GTF2IRD1: variants seen among roughly 807,000 people sequenced by gnomAD.
GTF2IRD1 encodes the protein general transcription factor II-I repeat domain-containing protein 1.
Under a neutral mutation model 113.2 loss-of-function variants are expected in GTF2IRD1, and 26 were observed. That is an observed-to-expected ratio of 0.23 (90% CI 0.17 to 0.32). The LOEUF is 0.32. Ranked by LOEUF, GTF2IRD1 falls within the 10% of genes least tolerant of loss-of-function variation. The pLI is 1.00. For synonymous variants in GTF2IRD1, 484 were observed against 529.1 expected, an observed-to-expected ratio of 0.91 and a Z score of 1.17; for missense variants, 864 against 1,280.8, an observed-to-expected ratio of 0.67 and a Z score of 4.97.
chr7:74,518,054 T>C (rs2130238412), intron 4 of GTF2IRD1, 85 bp from the exon 5 acceptor site: 1 of 970,180 alleles, frequency 1.0e-6, no homozygotes, highest in Non-Finnish European at 1.5e-6. Context: ...CACTCAGCAC[T>C]GCCCCCACTC....
At chr7:74,476,938 C>T (rs932762212) in intron 1 of GTF2IRD1, among the ~76,000 whole-genome samples, 5 of 152,158 alleles carry the variant, frequency 3.3e-5, no homozygotes, top group Non-Finnish European at 7.3e-5. Flanking sequence ...ACTTAGTCAG[C>T]GTCCCACAGC....
At chr7:74,545,136 T>C (rs1363058892) in intron 15 of GTF2IRD1, among the ~76,000 whole-genome samples, 2 of 152,128 alleles carry the variant, frequency 1.3e-5, no homozygotes, top group East Asian at 3.9e-4. Flanking sequence ...GCAAGTAGAT[T>C]AGAGGCCTGA....
chr7:74,466,933 T>G (rs149308032), intron 1 of GTF2IRD1, among the ~76,000 whole-genome samples: 8 of 150,340 alleles, frequency 5.3e-5, no homozygotes, highest in African/African-American at 1.7e-4. Flanking sequence ...GGTGGGGGCC[T>G]CCTCCACCCT....
At chr7:74,467,663 G>A (rs1218895046) in intron 1 of GTF2IRD1, among the ~76,000 whole-genome samples, 1 of 151,760 alleles carries the variant, frequency 6.6e-6, no homozygotes, top group African/African-American at 2.4e-5. Context: ...ACCACACCTA[G>A]CTAATTTTTG....
intron 1 of GTF2IRD1, among the ~76,000 whole-genome samples, chr7:74,483,285 A>T (rs1211332335): frequency 6.6e-6 from 1 of 152,146 alleles, no homozygotes; most frequent in Non-Finnish European, 1.5e-5. Flanking sequence ...TCATTCCTGT[A>T]ATCCCAGCAC....
intron 22 of GTF2IRD1, among the ~76,000 whole-genome samples, chr7:74,586,372 C>T (rs1801719351): frequency 6.6e-6 from 1 of 152,040 alleles, no homozygotes; most frequent in Non-Finnish European, 1.5e-5. Flanking sequence ...GGATGTGGAG[C>T]GTGGGGTCTT....
At chr7:74,482,443 G>T (rs1794798093) in intron 1 of GTF2IRD1, among the ~76,000 whole-genome samples, 1 of 151,924 alleles carries the variant, frequency 6.6e-6, no homozygotes, top group Non-Finnish European at 1.5e-5. Context: ...GTCCAGGCTG[G>T]TCTCAAATTT....
chr7:74,462,227 G>T (rs557289799), intron 1 of GTF2IRD1, among the ~76,000 whole-genome samples: 1 of 152,032 alleles, frequency 6.6e-6, no homozygotes. Context: ...AAATTAGCCG[G>T]GTGTGGTGAT....
chr7:74,602,411 T>C lies in GTF2IRD1; in HGVS notation c.2813T>C (p.Leu938Pro). 1 of 1,613,722 alleles carries C rather than the reference T, an allele frequency of 6.2e-7. No homozygotes were observed. ...GACTATGCCGGCCTGAACGTGCAGC[T>C]CCCGGGACCTCTTAATTACTAGACC... ...MVDYAGLNVQ[L>P]PGPLNY The change falls in exon 27 of 27, where the codon CTC becomes CCC. Residue 938 changes from leucine to proline, a missense_variant. Physicochemically the swap from Leu to Pro is moderately conservative, Grantham distance 98 (BLOSUM62 -3). Coordinates refer to ENST00000424337, the MANE Select transcript of GTF2IRD1 (RefSeq NM_005685.4).
intron 22 of GTF2IRD1, among the ~76,000 whole-genome samples, chr7:74,566,072 GA>G (rs1357296338): frequency 1.3e-5 from 2 of 151,488 alleles, no homozygotes; most frequent in African/African-American, 4.9e-5. Context: ...GCCCATGGTA[GA>G]AATTTGGAAA....
In GTF2IRD1 at chr7:74,535,147, G is replaced by C. The variant is rs201795705; in HGVS notation, c.1300+9G>C. On this transcript the variant is annotated intron_variant, in intron 10 of 26. Transcript: ENST00000424337. The stretch of plus-strand genomic sequence containing the variant: ...TGAGCGAATTTTCACAGGTATGTGG[G>C]GACCATCTAGTCCATTCTGAAGTTT... The C allele has an allele frequency of 3.0e-4, 485 of 1,608,718 alleles. No individual in the cohort carries two copies. Among genetic ancestry groups the C allele is most frequent in the Non-Finnish European group, 3.8e-4 (450 of 1,175,376 alleles).
At position 74,500,423 on chromosome 7, in the gene GTF2IRD1, TA is replaced by T. The variant is rs74272932; in HGVS notation, c.-6-7637del. Among the ~76,000 whole-genome samples the T allele has an allele frequency of 9.7e-3, 1,321 of 136,424 alleles. 4 individuals are homozygous for T. Among genetic ancestry groups the T allele is most frequent in the African/African-American group, 0.017 (621 of 37,196 alleles). 89.5% of individuals were successfully genotyped at this position (136,424 alleles called of 152,430 possible). Reference sequence around the variant, plus strand: ...CATAGTGAGACCCTATCTGTTTTGTTAAAAAAAAAAAAAAAGAAAAAAAATT... The same window carrying T: ...CATAGTGAGACCCTATCTGTTTTGTTAAAAAAAAAAAAAAGAAAAAAAATT... On this transcript the variant is annotated intron_variant, in intron 1 of 26. Transcript: ENST00000424337.
At chr7:74,516,711 T>C (rs1364545830) in intron 4 of GTF2IRD1, among the ~76,000 whole-genome samples, 10 of 152,200 alleles carry the variant, frequency 6.6e-5, no homozygotes, top group Non-Finnish European at 1.3e-4. Flanking sequence ...GATGGGGGAC[T>C]TGCCACGCAT....
At chr7:74,526,638 A>G (rs992459367) in intron 8 of GTF2IRD1, among the ~76,000 whole-genome samples, 1 of 152,190 alleles carries the variant, frequency 6.6e-6, no homozygotes, top group Non-Finnish European at 1.5e-5. Flanking sequence ...CCAAGGGGCA[A>G]CAGCAGGGTT....
At chr7:74,591,062 A>C in intron 24 of GTF2IRD1, 45 bp downstream of exon 24, 1 of 1,428,930 alleles carries the variant, frequency 7.0e-7, no homozygotes, top group South Asian at 1.2e-5. Flanking sequence ...GGGCGAGGCC[A>C]TGGGGAGGGT....
At position 74,480,216 on chromosome 7, in the gene GTF2IRD1, C is replaced by T. The variant is rs575034742; in HGVS notation, c.-7+26040C>T. On this transcript the variant is annotated intron_variant, in intron 1 of 26. Transcript: ENST00000424337. ...TGCCAGCCTGGGAATCCTTCAAGGG[C>T]AGGAGCACCTGCTGTTGGGCCCTGT... Among the ~76,000 whole-genome samples the T allele has an allele frequency of 5.4e-4, 82 of 152,114 alleles. 1 individual carries two copies. In the South Asian group the frequency reaches 0.017, roughly 31 times the overall value.
intron 22 of GTF2IRD1, among the ~76,000 whole-genome samples, chr7:74,583,918 G>C (rs782755374): frequency 6.6e-6 from 1 of 152,116 alleles, no homozygotes; most frequent in African/African-American, 2.4e-5. Context: ...CACATCCTTG[G>C]AGCTTTGGGC....
intron 1 of GTF2IRD1, among the ~76,000 whole-genome samples, chr7:74,460,243 C>G (rs999922813): frequency 2.6e-5 from 4 of 151,326 alleles, no homozygotes; most frequent in African/African-American, 9.7e-5. Flanking sequence ...GCCACTGTAC[C>G]CAGCCAGCAG....
At chr7:74,503,346 A>C (rs539223965) in intron 1 of GTF2IRD1, among the ~76,000 whole-genome samples, 7 of 152,196 alleles carry the variant, frequency 4.6e-5, no homozygotes, top group Non-Finnish European at 8.8e-5. Context: ...GACAGATGTG[A>C]CAGTCGCTCT....
Sources: gnomAD v4.1 joint callset for allele counts (sites outside exome capture counted in the v4.1 genomes callset) on GRCh38, gnomAD v4.1.1 for gene constraint, MANE v1.5 for transcripts, NCBI Gene and HGNC (gene_info 2026-07-23, HGNC 2026-07-21) for gene names.